ADAMTS20: variants seen among roughly 807,000 people sequenced by gnomAD.
ADAMTS20 encodes ADAM metallopeptidase with thrombospondin type 1 motif 20.
ADAMTS20 carries 225 observed loss-of-function variants against 260.1 expected under a neutral mutation model. The observed-to-expected ratio is 0.87, with a 90% CI of 0.78 to 0.97. The LOEUF (loss-of-function observed/expected upper bound fraction) is 0.97. Among genes scored for constraint, ADAMTS20 ranks in the 50% least tolerant of loss-of-function variants. The probability of loss-of-function intolerance (pLI) is 0.00; values close to 1 mark genes in which losing one functional copy is unlikely to be tolerated. For synonymous variants in ADAMTS20, 802 were observed against 769.5 expected (o/e 1.04, Z -0.70); for missense variants, 2,400 against 2,337.7 (o/e 1.03, Z -0.55).
rs1942001436 is a variant in ADAMTS20, at chr12:43,458,317, T to G, written c.1615-4265A>C. ...GAGCAAAGTGATGACTTGAATAGAC[T>G]AGGAAGCAGGTTTGTCCTGAGACGT... On this transcript the variant is annotated intron_variant, in intron 11 of 38. Coordinates refer to ENST00000389420, the MANE Select transcript of ADAMTS20 (RefSeq NM_025003.5). Among the ~76,000 whole-genome samples, 3 of 152,250 alleles carry G rather than the reference T, an allele frequency of 2.0e-5. No individual in the cohort carries two copies. The South Asian group carries it at 6.2e-4, about 32-fold the overall frequency.
chr12:43,524,043 A>C (rs1053197839), intron 3 of ADAMTS20, among the ~76,000 whole-genome samples: 6 of 151,500 alleles, frequency 4.0e-5, no homozygotes, highest in Admixed American at 2.0e-4. Flanking sequence ...TCCTGGCTAG[A>C]GGCCAATTGA....
At chr12:43,518,641 C>T (rs991646347) in intron 3 of ADAMTS20, among the ~76,000 whole-genome samples, 3 of 151,990 alleles carry the variant, frequency 2.0e-5, no homozygotes, top group Non-Finnish European at 4.4e-5. Flanking sequence ...CTAAACCCCT[C>T]TACTGATGTT....
intron 7 of ADAMTS20, among the ~76,000 whole-genome samples, chr12:43,469,226 T>A (rs1475419315): frequency 2.0e-5 from 3 of 152,126 alleles, no homozygotes; most frequent in Non-Finnish European, 4.4e-5. Flanking sequence ...ATTTAATATA[T>A]GTTAAATAAA....
At chr12:43,433,515 T>C (rs1010829715) in intron 19 of ADAMTS20, among the ~76,000 whole-genome samples, 1 of 152,184 alleles carries the variant, frequency 6.6e-6, no homozygotes, top group South Asian at 2.1e-4. Context: ...ACTGTGCTTC[T>C]GCTATGCCTT....
At chr12:43,511,580 G>T (rs1163036224) in intron 3 of ADAMTS20, among the ~76,000 whole-genome samples, 4 of 152,078 alleles carry the variant, frequency 2.6e-5, no homozygotes, top group Non-Finnish European at 4.4e-5. Context: ...TGAAAGAAAA[G>T]AATATATTGA....
Position 43,439,659 on chromosome 12 carries a change from G to A in ADAMTS20, c.2556C>T (p.Pro852=). Residue 852 remains proline, a synonymous_variant, in exon 18 of 39, where the codon CCC becomes CCT. Transcript: ENST00000389420. ...EERSDMFTWD[P]YGPWEGCTKM... ...TGGTACAGCCTTCCCATGGTCCATA[G>A]GGGTCCCATGTGAACATGTCACTCC... is the stretch of plus-strand genomic sequence containing the variant. The A allele has an allele frequency of 6.2e-7, 1 of 1,613,554 alleles. No individual in the cohort carries two copies. The highest frequency in any genetic ancestry group is 8.5e-7 in the Non-Finnish European group (1 of 1,179,778).
intron 2 of ADAMTS20, among the ~76,000 whole-genome samples, chr12:43,534,511 A>G (rs553617527): frequency 6.6e-6 from 1 of 152,318 alleles, no homozygotes; most frequent in South Asian, 2.1e-4. Flanking sequence ...GTGAAATAAT[A>G]TACTTACAAG....
chr12:43,426,545 T>A (rs1402396755), intron 27 of ADAMTS20, among the ~76,000 whole-genome samples: 1 of 152,204 alleles, frequency 6.6e-6, no homozygotes, highest in East Asian at 1.9e-4. Flanking sequence ...CCATTCCACA[T>A]TACGAAGGAG....
chr12:43,431,492 A>C lies in ADAMTS20; in HGVS notation c.3101T>G (p.Leu1034Arg), dbSNP rs760473188. The change falls in exon 22 of 39, where the codon CTT (leucine) becomes CGT (arginine). Residue 1034 changes from leucine to arginine, a missense_variant. Transcript: ENST00000389420. ...CTTTGTTCCTTTACCACATGTAACAAGGCACTGTAAGAATAAAACTGATCA... is the reference window on the plus strand; with the variant it reads ...CTTTGTTCCTTTACCACATGTAACACGGCACTGTAAGAATAAAACTGATCA... ...SWAASEWSEC[L>R]VTCGKGTKQR... 2.9e-5 allele frequency: 47 copies of C among 1,613,824 alleles called. No homozygotes were observed. The highest frequency in any genetic ancestry group is 3.7e-5 in the Non-Finnish European group (44 of 1,179,848).
intron 11 of ADAMTS20, among the ~76,000 whole-genome samples, chr12:43,459,731 CCATTAGAAAAAGT>C (rs1942026825): frequency 6.6e-6 from 1 of 151,990 alleles, no homozygotes; most frequent in Non-Finnish European, 1.5e-5. Flanking sequence ...TTTGTGCTCT[CCATTAGAAAAAGT>C]CATTCAATAT....
chr12:43,467,003 G>C (rs1235029585), intron 8 of ADAMTS20, among the ~76,000 whole-genome samples: 2 of 132,360 alleles, frequency 1.5e-5, no homozygotes, highest in East Asian at 9.3e-4. Flanking sequence ...CTGGTGATCT[G>C]GCATCTGAAT....
intron 3 of ADAMTS20, among the ~76,000 whole-genome samples, chr12:43,517,886 A>T (rs1565579462): frequency 6.6e-6 from 1 of 152,096 alleles, no homozygotes; most frequent in Non-Finnish European, 1.5e-5. Flanking sequence ...TTCTTGAATA[A>T]ATGTTATATA....
intron 2 of ADAMTS20, among the ~76,000 whole-genome samples, chr12:43,542,218 G>A (rs944755352): frequency 5.3e-5 from 8 of 151,944 alleles, no homozygotes; most frequent in Admixed American, 3.3e-4. Context: ...CAAAATATCC[G>A]TGAAAATATG....
chr12:43,493,880 C>T (rs1465681098), intron 4 of ADAMTS20, among the ~76,000 whole-genome samples: 4 of 152,156 alleles, frequency 2.6e-5, no homozygotes, highest in Admixed American at 2.0e-4. Flanking sequence ...ATAAACAGCC[C>T]TAGAAGAGGT....
chr12:43,531,276 T>C (rs977569471), intron 3 of ADAMTS20, among the ~76,000 whole-genome samples: 1 of 151,984 alleles, frequency 6.6e-6, no homozygotes, highest in Non-Finnish European at 1.5e-5. Flanking sequence ...CATGCAAAAT[T>C]GAGCAATGTG....
intron 29 of ADAMTS20, among the ~76,000 whole-genome samples, chr12:43,396,153 A>G (rs1940698273): frequency 6.6e-6 from 1 of 152,094 alleles, no homozygotes; most frequent in Admixed American, 6.6e-5. Context: ...CTGTATAGCA[A>G]TGTTTGTTCC....
At chr12:43,424,754 C>T (rs1473545589) in intron 28 of ADAMTS20, among the ~76,000 whole-genome samples, 1 of 151,474 alleles carries the variant, frequency 6.6e-6, no homozygotes, top group East Asian at 1.9e-4. Flanking sequence ...TGACAGCAAG[C>T]CAAACATAAA....
chr12:43,471,120 T>A (rs967904059), intron 7 of ADAMTS20, among the ~76,000 whole-genome samples: 3 of 152,090 alleles, frequency 2.0e-5, no homozygotes, highest in African/African-American at 7.2e-5. Context: ...CGCAGGCCAG[T>A]GGGTGCACGC....
At chr12:43,482,904 A>G (rs1251760563) in intron 7 of ADAMTS20, among the ~76,000 whole-genome samples, 2 of 152,178 alleles carry the variant, frequency 1.3e-5, no homozygotes, top group Non-Finnish European at 2.9e-5. Flanking sequence ...AACAGATTGT[A>G]TCTTCTTCCT....
Sources: allele counts gnomAD v4.1 joint callset (sites outside exome capture counted in the v4.1 genomes callset), GRCh38; gene constraint gnomAD v4.1.1; transcripts MANE v1.5; gene names NCBI Gene and HGNC (gene_info 2026-07-23, HGNC 2026-07-21).